Variants in MCTP2 observed in about 807,000 individuals in gnomAD.
MCTP2 encodes the protein multiple C2 and transmembrane domain containing 2.
In MCTP2, 132 loss-of-function variants were observed where a neutral mutation model predicts 111.6. That is an observed-to-expected ratio of 1.18 (90% CI 1.03 to 1.37). The LOEUF is 1.37. Ranked by LOEUF, MCTP2 falls within the 40% of genes most tolerant of loss-of-function variation. MCTP2 has a pLI of 0.00. For synonymous variants in MCTP2, 395 were observed against 387.7 expected (o/e 1.02, Z -0.22); for missense variants, 1,183 against 1,067.9 (o/e 1.11, Z -1.50).
intron 16 of MCTP2, among the ~76,000 whole-genome samples, chr15:94,400,580 G>A (rs886316171): frequency 6.6e-6 from 1 of 151,314 alleles, no homozygotes; most frequent in South Asian, 2.1e-4. Flanking sequence ...TGAAGTTCAG[G>A]GTCTGGTAGG....
chr15:94,467,816 C>T (rs2073521375), intron 20 of MCTP2, among the ~76,000 whole-genome samples: 1 of 152,134 alleles, frequency 6.6e-6, no homozygotes, highest in Non-Finnish European at 1.5e-5. Context: ...AATTGCCCTC[C>T]AAAAAGTTCT....
chr15:94,257,655 C>T (rs1230209526), intron 1 of MCTP2, among the ~76,000 whole-genome samples: 25 of 126,366 alleles, frequency 2.0e-4, no homozygotes, highest in African/African-American at 6.3e-4. Flanking sequence ...GGCATGATCT[C>T]GGCCCAATGC....
At chr15:94,248,686 A>G (rs7163109) in intron 1 of MCTP2, among the ~76,000 whole-genome samples, 120,416 of 152,190 alleles carry the variant, frequency 0.79, 48,451 homozygotes, top group African/African-American at 0.94. Context: ...CTTTAAGTCT[A>G]AATCTTTTCA....
intron 4 of MCTP2, among the ~76,000 whole-genome samples, chr15:94,320,695 G>C (rs1567415502): frequency 6.6e-6 from 1 of 152,136 alleles, no homozygotes; most frequent in Admixed American, 6.5e-5. Flanking sequence ...TCTGGGGCTT[G>C]GTGATGAAAG....
intron 12 of MCTP2, among the ~76,000 whole-genome samples, chr15:94,378,733 C>T (rs531768882): frequency 6.6e-6 from 1 of 152,170 alleles, no homozygotes; most frequent in Non-Finnish European, 1.5e-5. Context: ...GTGAGCAGGT[C>T]TTTGCCTGTG....
chr15:94,267,041 A>C (rs1434306277), intron 1 of MCTP2, among the ~76,000 whole-genome samples: 2 of 152,200 alleles, frequency 1.3e-5, no homozygotes, highest in Admixed American at 1.3e-4. Context: ...ATGTAACTGA[A>C]ATCCAGTTGA....
rs543019173 is a variant in MCTP2 at position 94,463,864 on chromosome 15, G to A, written c.2360+5618G>A. ...ATTTTTATGCTTTATTTTGGTTTAT[G>A]TGGCGAATTATTTTGATTGGTTTTC... On this transcript the variant is annotated intron_variant, in intron 20 of 22. Coordinates refer to ENST00000357742, the MANE Select transcript of MCTP2 (RefSeq NM_001385001.1). 1.1e-4 allele frequency among the ~76,000 whole-genome samples: 17 copies of A among 152,066 alleles called. No individual in the cohort carries two copies. In the South Asian group the frequency reaches 3.5e-3, roughly 32 times the overall value.
chr15:94,359,016 T>C (rs1353118078), intron 10 of MCTP2, among the ~76,000 whole-genome samples: 1 of 152,202 alleles, frequency 6.6e-6, no homozygotes, highest in Non-Finnish European at 1.5e-5. Flanking sequence ...ATGTACTTTA[T>C]AGCACACCAA....
chr15:94,249,488 CTT>C (rs58538119), intron 1 of MCTP2, among the ~76,000 whole-genome samples: 8 of 142,684 alleles, frequency 5.6e-5, no homozygotes, highest in Non-Finnish European at 7.7e-5. Context: ...GTCTCAGAAT[CTT>C]TTTTTTTTTT....
rs182588862 is a variant in MCTP2, at chr15:94,310,609, C to T, written c.466-3673C>T. Among the ~76,000 whole-genome samples the T allele has an allele frequency of 5.2e-4, 79 of 150,756 alleles. 1 individual carries two copies. In the East Asian group the frequency reaches 0.01, roughly 19 times the overall value. The stretch of plus-strand genomic sequence containing the variant: ...ATGGAGACCAGCCTGGGCTGGTGTG[C>T]GACAGTTATGGCAGCTGTGAGAAGG... On this transcript the variant is annotated intron_variant, in intron 2 of 22. Transcript: ENST00000357742.
At chr15:94,292,813 A>G (rs1448077510) in intron 1 of MCTP2, 1 of 152,216 alleles carries the variant, frequency 6.6e-6, no homozygotes. Context: ...AAATTTGGAG[A>G]GGTCACACTA....
At chr15:94,258,312 A>G (rs1469031857) in intron 1 of MCTP2, among the ~76,000 whole-genome samples, 1 of 152,126 alleles carries the variant, frequency 6.6e-6, no homozygotes, top group Admixed American at 6.5e-5. Flanking sequence ...ATTTATTTCT[A>G]TATTGTGAGT....
chr15:94,247,559 T>C (rs182201307), intron 1 of MCTP2, among the ~76,000 whole-genome samples: 49 of 151,916 alleles, frequency 3.2e-4, no homozygotes, highest in Non-Finnish European at 5.9e-4. Context: ...TTAAGAGGAG[T>C]GGGTCATTTC....
At chr15:94,461,032 G>A (rs973059159) in intron 20 of MCTP2, among the ~76,000 whole-genome samples, 2 of 149,814 alleles carry the variant, frequency 1.3e-5, no homozygotes, top group African/African-American at 2.4e-5. Context: ...GGTTGGGGGG[G>A]ACCCCAGTGG....
At chr15:94,477,246 A>G (rs1169532593) in intron 22 of MCTP2, among the ~76,000 whole-genome samples, 4 of 152,180 alleles carry the variant, frequency 2.6e-5, no homozygotes, top group African/African-American at 9.7e-5. Flanking sequence ...CCTCCCTTCT[A>G]TCGTCTTCCC....
intron 19 of MCTP2, among the ~76,000 whole-genome samples, chr15:94,452,953 GTTTGT>G (rs895633815): frequency 1.0e-5 from 1 of 95,864 alleles, no homozygotes; most frequent in Non-Finnish European, 2.2e-5. Flanking sequence ...AAAAAACTTT[GTTTGT>G]TTTGTTTTGT....
intron 1 of MCTP2, 107 bp from the exon 2 acceptor site, chr15:94,298,094 G>C (rs2075358281): frequency 8.0e-6 from 4 of 499,622 alleles, no homozygotes; most frequent in East Asian, 3.2e-5. Flanking sequence ...GAAACTGTAA[G>C]ATTTTTGAGT....
intron 4 of MCTP2, among the ~76,000 whole-genome samples, chr15:94,330,729 A>T (rs1180354240): frequency 1.4e-5 from 2 of 145,758 alleles, no homozygotes; most frequent in African/African-American, 5.6e-5. Context: ...GGCATATGGG[A>T]GTGTTTGTTT....
intron 17 of MCTP2, among the ~76,000 whole-genome samples, chr15:94,404,333 A>T: frequency 1.5e-5 from 2 of 136,420 alleles, no homozygotes. Flanking sequence ...ACAGAGTCTG[A>T]CTCTGTCACC....
Sources: gnomAD v4.1 joint callset for allele counts (sites outside exome capture counted in the v4.1 genomes callset) on GRCh38, gnomAD v4.1.1 for gene constraint, MANE v1.5 for transcripts, NCBI Gene and HGNC (gene_info 2026-07-23, HGNC 2026-07-21) for gene names.